PCOLCE2: variants seen among roughly 807,000 people sequenced by gnomAD.
The protein encoded by PCOLCE2 is procollagen C-endopeptidase enhancer 2.
Under a neutral mutation model 47.0 loss-of-function variants are expected in PCOLCE2, and 42 were observed. The observed-to-expected ratio is 0.89, with a 90% CI of 0.70 to 1.16. The LOEUF (loss-of-function observed/expected upper bound fraction) is 1.16. Ranked by LOEUF, PCOLCE2 falls within the 50% of genes most tolerant of loss-of-function variation. The pLI is 0.00. For missense variants in PCOLCE2, 500 were observed against 526.1 expected, an observed-to-expected ratio of 0.95 and a Z score of 0.49; for synonymous variants, 169 against 191.7, an observed-to-expected ratio of 0.88 and a Z score of 0.98.
At chr3:142,885,104 C>T (rs1350151393) in intron 2 of PCOLCE2, among the ~76,000 whole-genome samples, 2 of 152,150 alleles carry the variant, frequency 1.3e-5, no homozygotes, top group Non-Finnish European at 2.9e-5. Context: ...AAGTCCAACA[C>T]GAAGGACTGG....
Position 142,842,846 on chromosome 3 carries a change from G to T in PCOLCE2, c.573+78C>A. 7.1e-7 allele frequency: 1 copy of T among 1,414,586 alleles called. No individual in the cohort carries two copies. Among genetic ancestry groups the T allele is most frequent in the Non-Finnish European group, 9.9e-7 (1 of 1,008,314 alleles). The allele number at this position is 1,414,586 out of a possible 1,614,324, so 87.6% of individuals were successfully genotyped here. On this transcript the variant is annotated intron_variant, in intron 4 of 8. Transcript: ENST00000295992. The surrounding 1 kb of genome is among the most constrained non-coding windows in gnomAD (Gnocchi z 4.1). Reference sequence around the variant, plus strand: ...TCTCGAATAGCCCCCACAACAGGAGGCTCTTGAGAGTTGGTGGGCCCCCCA... The same window carrying T: ...TCTCGAATAGCCCCCACAACAGGAGTCTCTTGAGAGTTGGTGGGCCCCCCA...
intron 2 of PCOLCE2, among the ~76,000 whole-genome samples, chr3:142,849,423 G>A (rs1025857220): frequency 3.3e-5 from 5 of 152,128 alleles, no homozygotes; most frequent in African/African-American, 1.2e-4. Context: ...AGGAAGCCTT[G>A]AGACACAATG....
intron 2 of PCOLCE2, among the ~76,000 whole-genome samples, chr3:142,882,196 A>AT (rs1392544640): frequency 1.5e-4 from 17 of 115,332 alleles, no homozygotes; most frequent in Non-Finnish European, 3.2e-4. Flanking sequence ...CTCCTGGCTA[A>AT]TTTAAAAAAA....
chr3:142,850,172 G>GT (rs139536746), intron 2 of PCOLCE2, among the ~76,000 whole-genome samples: 1 of 152,022 alleles, frequency 6.6e-6, no homozygotes, highest in Non-Finnish European at 1.5e-5. Flanking sequence ...CTTTTGCTTT[G>GT]TTTTTTGTTT....
chr3:142,855,614 G>A (rs4324442), intron 2 of PCOLCE2, among the ~76,000 whole-genome samples: 87,309 of 151,948 alleles, frequency 0.57, 25,946 homozygotes, highest in Non-Finnish European at 0.66. Flanking sequence ...CACACATGGA[G>A]TCGACATTTC....
intron 6 of PCOLCE2, among the ~76,000 whole-genome samples, chr3:142,826,654 T>C (rs1268405062): frequency 3.3e-5 from 5 of 152,342 alleles, no homozygotes; most frequent in African/African-American, 4.8e-5. Flanking sequence ...CAATTTGCCA[T>C]GCTCCACACT....
chr3:142,828,897 G>A (rs1219658558), intron 6 of PCOLCE2, among the ~76,000 whole-genome samples: 2 of 152,234 alleles, frequency 1.3e-5, no homozygotes, highest in African/African-American at 4.8e-5. Context: ...CACTTGCAGA[G>A]TGCAAGGAAA....
intron 8 of PCOLCE2, among the ~76,000 whole-genome samples, chr3:142,820,290 T>C (rs1324879057): frequency 6.6e-6 from 1 of 152,148 alleles, no homozygotes; most frequent in African/African-American, 2.4e-5. Flanking sequence ...GGTTTCACTT[T>C]TAAACATACT....
intron 6 of PCOLCE2, among the ~76,000 whole-genome samples, chr3:142,829,203 T>C (rs1314888759): frequency 6.6e-6 from 1 of 150,692 alleles, no homozygotes; most frequent in Non-Finnish European, 1.5e-5. Flanking sequence ...CGTTGAATAT[T>C]GTTGTTTAAT....
chr3:142,846,811 AT>A (rs1465421265), intron 3 of PCOLCE2: 5 of 152,110 alleles, frequency 3.3e-5, no homozygotes, highest in Admixed American at 6.5e-5. Flanking sequence ...TTATTAATTT[AT>A]TTTTTAATAG....
In PCOLCE2 at chr3:142,880,522, A is replaced by G. The variant is rs116001818; in HGVS notation, c.192+7147T>C. On this transcript the variant is annotated intron_variant, in intron 2 of 8. Coordinates refer to ENST00000295992, the MANE Select transcript of PCOLCE2 (RefSeq NM_013363.4). ...GCACTGATCTTACTAGACTATCACT[A>G]TGTCTCAATTTTCACAAACCCTTTG... 1.9e-3 allele frequency among the ~76,000 whole-genome samples: 287 copies of G among 152,300 alleles called. 4 individuals are homozygous for G. Among genetic ancestry groups the G allele is most frequent in the African/African-American group, 6.4e-3 (268 of 41,554 alleles).
chr3:142,845,455 C>G (rs1321932194), intron 3 of PCOLCE2, among the ~76,000 whole-genome samples: 1 of 152,112 alleles, frequency 6.6e-6, no homozygotes, highest in African/African-American at 2.4e-5. Flanking sequence ...AACATATACC[C>G]TTTTATATTT....
Position 142,845,952 on chromosome 3 carries a change from T to G in PCOLCE2, c.448+2265A>C, listed in dbSNP as rs144194311. ...ATAGCACCACTGCACTCCAGCCTGG[T>G]CAACAAGAGTGAAACTCAGTCTCAA... On this transcript the variant is annotated intron_variant, in intron 3 of 8. Coordinates refer to ENST00000295992, the MANE Select transcript of PCOLCE2 (RefSeq NM_013363.4). Among the ~76,000 whole-genome samples, 741 of 152,160 alleles carry G rather than the reference T, an allele frequency of 4.9e-3. 3 individuals carry two copies. The highest frequency in any genetic ancestry group is 0.017 in the African/African-American group (711 of 41,526).
At position 142,820,830 on chromosome 3, in the gene PCOLCE2, G is replaced by C. The variant is rs751985870; in HGVS notation, c.1117+48C>G. 7 of 1,524,842 alleles carry C rather than the reference G, an allele frequency of 4.6e-6. No individual in the cohort carries two copies. The African/African-American group carries it at 9.5e-5, about 21-fold the overall frequency. The allele number at this position is 1,524,842 out of a possible 1,614,324, so 94.5% of individuals were successfully genotyped here. ...TACTTCCCTAGACCAACCATGGCAT[G>C]GAAAATCCATGGCTTGCTCAGAGAC... On this transcript the variant is annotated intron_variant, in intron 8 of 8. Coordinates refer to ENST00000295992, the MANE Select transcript of PCOLCE2 (RefSeq NM_013363.4).
chr3:142,838,324 G>A (rs769518472), intron 5 of PCOLCE2, among the ~76,000 whole-genome samples: 19 of 152,098 alleles, frequency 1.2e-4, no homozygotes, highest in South Asian at 2.1e-4. Context: ...GAGGAGAAGC[G>A]TGGTGGGAGA....
chr3:142,828,039 A>T (rs1937105565), intron 6 of PCOLCE2, among the ~76,000 whole-genome samples: 1 of 152,184 alleles, frequency 6.6e-6, no homozygotes, highest in African/African-American at 2.4e-5. Flanking sequence ...TTTGTGCCAT[A>T]GCACAGTTCG....
intron 2 of PCOLCE2, among the ~76,000 whole-genome samples, chr3:142,867,652 T>C (rs1044609187): frequency 2.7e-5 from 4 of 150,892 alleles, no homozygotes; most frequent in African/African-American, 9.8e-5. Flanking sequence ...ACAACTAAAA[T>C]CACAACGTGA....
chr3:142,828,983 G>A (rs1937116031), intron 6 of PCOLCE2, among the ~76,000 whole-genome samples: 2 of 152,150 alleles, frequency 1.3e-5, no homozygotes, highest in Non-Finnish European at 2.9e-5. Flanking sequence ...ATAAAGCTGG[G>A]CTTATTTCAG....
At chr3:142,825,041 A>G (rs1255919811) in intron 6 of PCOLCE2, among the ~76,000 whole-genome samples, 1 of 152,230 alleles carries the variant, frequency 6.6e-6, no homozygotes, top group Non-Finnish European at 1.5e-5. Context: ...TAGCTTAAAT[A>G]TGCATTTTTA....
Sources: allele counts gnomAD v4.1 joint callset (sites outside exome capture counted in the v4.1 genomes callset), GRCh38; gene constraint gnomAD v4.1.1; non-coding constraint Gnocchi (gnomAD v3.1); transcripts MANE v1.5; gene names NCBI Gene and HGNC (gene_info 2026-07-23, HGNC 2026-07-21).